FA2H: variants seen among roughly 807,000 people sequenced by gnomAD.
FA2H encodes the protein fatty acid 2-hydroxylase, also known as fatty acid alpha-hydroxylase.
Under a neutral mutation model 44.9 loss-of-function variants are expected in FA2H, and 22 were observed. The ratio of observed to expected loss-of-function variants is 0.49; its 90% CI spans 0.35 to 0.70. FA2H has a LOEUF of 0.70. Among genes scored for constraint, FA2H ranks in the 30% least tolerant of loss-of-function variants. FA2H has a pLI of 0.01. For missense variants in FA2H, 501 were observed against 504.9 expected (o/e 0.99, Z 0.07); for synonymous variants, 243 against 213.2 (o/e 1.14, Z -1.22).
At chr16:74,745,101 A>G (rs1481738028) in intron 1 of FA2H, among the ~76,000 whole-genome samples, 5 of 152,194 alleles carry the variant, frequency 3.3e-5, no homozygotes, top group African/African-American at 4.8e-5. Flanking sequence ...TGCTGAGGAC[A>G]GAAGCCCTCA....
At chr16:74,725,709 ATAGAGGT>A (rs1961937480) in intron 4 of FA2H, among the ~76,000 whole-genome samples, 1 of 152,188 alleles carries the variant, frequency 6.6e-6, no homozygotes, top group Non-Finnish European at 1.5e-5. Flanking sequence ...CAAGTGTCCC[ATAGAGGT>A]TAGTGGGCCA....
intron 5 of FA2H, among the ~76,000 whole-genome samples, chr16:74,717,718 G>C (rs1221324519): frequency 6.6e-6 from 1 of 152,240 alleles, no homozygotes; most frequent in Non-Finnish European, 1.5e-5. Flanking sequence ...GGTCCTCATG[G>C]TGTGGCAGCA....
chr16:74,727,169 C>T (rs1291712710), intron 3 of FA2H, 75 bp downstream of exon 3: 9 of 1,588,594 alleles, frequency 5.7e-6, no homozygotes, highest in Non-Finnish European at 6.9e-6. Context: ...ACTCAATTGC[C>T]CCCTCCCTTT....
At chr16:74,719,218 A>G in intron 4 of FA2H, 58 bp from the exon 5 acceptor site, 1 of 1,508,860 alleles carries the variant, frequency 6.6e-7, no homozygotes, top group Non-Finnish European at 9.1e-7. Flanking sequence ...TGGTAGCTCC[A>G]GGTGTCCCTG....
chr16:74,726,058 C>T (rs1567636836), intron 4 of FA2H, 167 bp downstream of exon 4: 3 of 625,030 alleles, frequency 4.8e-6, no homozygotes, highest in South Asian at 1.7e-5. Context: ...AGATGGGAGT[C>T]AGACAAAATT....
intron 1 of FA2H, among the ~76,000 whole-genome samples, chr16:74,743,888 G>C (rs942142537): frequency 6.6e-6 from 1 of 152,174 alleles, no homozygotes; most frequent in East Asian, 1.9e-4. Context: ...CAGAGCCAGC[G>C]TCACGCGGTG....
intron 5 of FA2H, 149 bp from the exon 6 acceptor site, chr16:74,716,748 G>A (rs571370504): frequency 6.1e-6 from 5 of 814,496 alleles, no homozygotes; most frequent in East Asian, 2.7e-5. Flanking sequence ...TGGGGAGGGC[G>A]GGCCACCACG....
At chr16:74,723,415 G>A (rs746487917) in intron 4 of FA2H, among the ~76,000 whole-genome samples, 1 of 152,072 alleles carries the variant, frequency 6.6e-6, no homozygotes, top group Non-Finnish European at 1.5e-5. Flanking sequence ...GACGACCGAA[G>A]CTCTACACCA....
Position 74,713,799 on chromosome 16 carries a change from G to A in FA2H, c.*391C>T, listed in dbSNP as rs563533561. Reference sequence around the variant, plus strand: ...TCTGACTGTGAAAGCGAGCTGTGCCGTGCAGGCAGCTCCTAGGCAGCCCAT... The same window carrying A: ...TCTGACTGTGAAAGCGAGCTGTGCCATGCAGGCAGCTCCTAGGCAGCCCAT... On this transcript the variant is annotated 3_prime_UTR_variant, in exon 7 of 7. Coordinates refer to ENST00000219368, the MANE Select transcript of FA2H (RefSeq NM_024306.5). 137 of 220,974 alleles carry A rather than the reference G, an allele frequency of 6.2e-4. No homozygotes were observed. Among genetic ancestry groups the A allele is most frequent in the Non-Finnish European group, 8.8e-4 (96 of 109,282 alleles). 13.7% of individuals were successfully genotyped at this position (220,974 alleles called of 1,614,324 possible).
chr16:74,740,716 T>A (rs1297994613), intron 1 of FA2H, among the ~76,000 whole-genome samples: 1 of 151,594 alleles, frequency 6.6e-6, no homozygotes, highest in South Asian at 2.1e-4. Context: ...GGAGAGGAAG[T>A]GAGCCAGTGG....
intron 1 of FA2H, among the ~76,000 whole-genome samples, chr16:74,750,790 T>TGTGTATGTGTGTG (rs1555540831): frequency 6.6e-6 from 1 of 151,370 alleles, no homozygotes; most frequent in African/African-American, 2.4e-5. Context: ...TGTGTGTGTG[T>TGTGTATGTGTGTG]TTAAGAGACA....
chr16:74,753,055 T>C (rs1234990195), intron 1 of FA2H, among the ~76,000 whole-genome samples: 1 of 152,228 alleles, frequency 6.6e-6, no homozygotes, highest in African/African-American at 2.4e-5. Flanking sequence ...TAGCAGAAGC[T>C]GGAGCTGAAG....
chr16:74,770,132 C>A (rs1471175903), intron 1 of FA2H, among the ~76,000 whole-genome samples: 2 of 152,196 alleles, frequency 1.3e-5, no homozygotes, highest in African/African-American at 4.8e-5. Context: ...AACAACAGAG[C>A]TGGTTCATGG....
At chr16:74,733,893 AG>A (rs1962128428) in intron 2 of FA2H, among the ~76,000 whole-genome samples, 3 of 152,164 alleles carry the variant, frequency 2.0e-5, no homozygotes, top group Non-Finnish European at 4.4e-5. Flanking sequence ...ACCCTTCCCC[AG>A]GAAAGCGTCC....
At chr16:74,767,652 A>G (rs923334928) in intron 1 of FA2H, among the ~76,000 whole-genome samples, 1 of 152,200 alleles carries the variant, frequency 6.6e-6, no homozygotes, top group East Asian at 1.9e-4. Context: ...AGAGCCAAGG[A>G]ATGCAGGCAG....
chr16:74,738,808 A>C (rs1962233592), intron 2 of FA2H, among the ~76,000 whole-genome samples: 1 of 152,176 alleles, frequency 6.6e-6, no homozygotes, highest in Admixed American at 6.5e-5. Flanking sequence ...CTGGGGGTTG[A>C]GGTTCGGAAA....
At chr16:74,728,245 G>A (rs1438163530) in intron 2 of FA2H, among the ~76,000 whole-genome samples, 1 of 152,190 alleles carries the variant, frequency 6.6e-6, no homozygotes, top group African/African-American at 2.4e-5. Context: ...GCAATAGTTC[G>A]AGACTCCGTC....
intron 1 of FA2H, chr16:74,741,073 T>C (rs1263478699): frequency 6.6e-6 from 1 of 152,264 alleles, no homozygotes; most frequent in Non-Finnish European, 1.5e-5. Context: ...GGAAACGGGA[T>C]GTGCTGGGAA....
At chr16:74,731,802 G>A (rs1263430693) in intron 2 of FA2H, among the ~76,000 whole-genome samples, 2 of 152,036 alleles carry the variant, frequency 1.3e-5, no homozygotes, top group African/African-American at 4.8e-5. Context: ...TATTTTCCTT[G>A]CAGTTGTTGC....
Sources: allele counts gnomAD v4.1 joint callset (sites outside exome capture counted in the v4.1 genomes callset), GRCh38; gene constraint gnomAD v4.1.1; transcripts MANE v1.5; gene names NCBI Gene and HGNC (gene_info 2026-07-23, HGNC 2026-07-21).